DCUN1D4: variants seen among roughly 807,000 people sequenced by gnomAD.
DCUN1D4 encodes defective in cullin neddylation 1 domain containing 4.
A neutral mutation model predicts 47.9 loss-of-function variants in DCUN1D4; 22 were observed. The observed-to-expected ratio is 0.46, with a 90% CI of 0.33 to 0.66. The LOEUF is 0.66. DCUN1D4 is among the 30% of genes least tolerant of loss of function. DCUN1D4 has a pLI of 0.02. For synonymous variants in DCUN1D4, 121 were observed against 112.2 expected (o/e 1.08, Z -0.50); for missense variants, 301 against 340.8 (o/e 0.88, Z 0.92).
At chr4:51,869,123 C>CAAAAAAAAAA (rs531280197) in intron 3 of DCUN1D4, among the ~76,000 whole-genome samples, 1 of 38,576 alleles carries the variant, frequency 2.6e-5, no homozygotes, top group Admixed American at 3.2e-4. Flanking sequence ...GACTCCATCT[C>CAAAAAAAAAA]AAAAAAAAAA....
intron 1 of DCUN1D4, among the ~76,000 whole-genome samples, chr4:51,848,009 A>T (rs1031864569): frequency 6.6e-6 from 1 of 152,186 alleles, no homozygotes; most frequent in Non-Finnish European, 1.5e-5. Flanking sequence ...CCAAATATGT[A>T]TTGAATTGAA....
chr4:51,861,242 G>T (rs964623054), intron 1 of DCUN1D4, among the ~76,000 whole-genome samples: 8 of 152,122 alleles, frequency 5.3e-5, no homozygotes, highest in Non-Finnish European at 8.8e-5. Flanking sequence ...TTTTTGACAG[G>T]AATAGAGTGG....
intron 1 of DCUN1D4, among the ~76,000 whole-genome samples, chr4:51,859,907 C>T (rs556363031): frequency 8.3e-4 from 126 of 152,160 alleles, no homozygotes; most frequent in Non-Finnish European, 1.6e-3. Flanking sequence ...AATTGAAATA[C>T]GAGCAGAAGG....
At chr4:51,883,193 A>T (rs1489283136) in intron 5 of DCUN1D4, among the ~76,000 whole-genome samples, 4 of 152,226 alleles carry the variant, frequency 2.6e-5, no homozygotes, top group Admixed American at 6.5e-5. Context: ...CAAGGTGTAG[A>T]ATTACAAGTA....
rs1231538714 is a variant in DCUN1D4 at position 51,913,605 on chromosome 4, G to A, written c.*21G>A. 4 of 1,607,598 alleles carry A rather than the reference G, an allele frequency of 2.5e-6. No homozygotes were observed. The highest frequency in any genetic ancestry group is 1.3e-5 in the African/African-American group (1 of 74,770). On this transcript the variant is annotated 3_prime_UTR_variant, in exon 11 of 11. Coordinates refer to ENST00000334635, the MANE Select transcript of DCUN1D4 (RefSeq NM_001040402.3). ...CCTAGGACTTTATGCATAGCAGCGA[G>A]AGAGTCACTGTTACCACAGTTTTGT...
At chr4:51,837,105 C>T in the DCUN1D4 span, among the ~76,000 whole-genome samples, 4 of 152,122 alleles carry the variant, frequency 2.6e-5, no homozygotes, top group Non-Finnish European at 5.9e-5. Context: ...AAAATTGCAC[C>T]TTCTGAGATC....
intron 5 of DCUN1D4, chr4:51,885,076 GGCACTA>G (rs2110034326): frequency 6.6e-6 from 1 of 152,266 alleles, no homozygotes; most frequent in African/African-American, 2.4e-5. Flanking sequence ...AGGGAAGAAA[GGCACTA>G]GATCATAGAG....
intron 1 of DCUN1D4, chr4:51,843,773 C>A: frequency 1.0e-6 from 1 of 1,004,634 alleles, no homozygotes; most frequent in Non-Finnish European, 1.2e-6. Flanking sequence ...GGGGCGGGGA[C>A]AATGGGAAGA....
intron 7 of DCUN1D4, among the ~76,000 whole-genome samples, chr4:51,893,119 G>C (rs1015054868): frequency 6.6e-6 from 1 of 152,222 alleles, no homozygotes; most frequent in Non-Finnish European, 1.5e-5. Flanking sequence ...GCATAGAGGG[G>C]ATCGGTGATG....
intron 6 of DCUN1D4, among the ~76,000 whole-genome samples, chr4:51,888,948 A>T (rs1577987975): frequency 6.6e-6 from 1 of 152,102 alleles, no homozygotes; most frequent in Admixed American, 6.6e-5. Context: ...CATCTTTAAT[A>T]AAATACCAAA....
At chr4:51,843,000 A>C (rs73138670), upstream of DCUN1D4, 376 of 1,268,220 alleles carry the variant, frequency 3.0e-4, 2 homozygotes, top group African/African-American at 5.5e-3. Flanking sequence ...CGTATTGGCC[A>C]GTGGGGGGCG....
intron 3 of DCUN1D4, among the ~76,000 whole-genome samples, chr4:51,868,408 C>T (rs1236614040): frequency 6.6e-6 from 1 of 152,222 alleles, no homozygotes; most frequent in African/African-American, 2.4e-5. Flanking sequence ...GTATGACATG[C>T]TGGTTTATTG....
At chr4:51,834,091 C>CTTTTT in the DCUN1D4 span, among the ~76,000 whole-genome samples, 2 of 49,538 alleles carry the variant, frequency 4.0e-5, no homozygotes, top group African/African-American at 2.9e-4. Flanking sequence ...TCTCTCTTTT[C>CTTTTT]TTTTCTTCTT....
intron 1 of DCUN1D4, chr4:51,843,804 T>TGGGGGGGGGGC (rs1722012373): frequency 4.7e-5 from 1 of 21,226 alleles, no homozygotes; most frequent in East Asian, 1.7e-3. Flanking sequence ...GGCGGGGGGG[T>TGGGGGGGGGGC]GGGGGGGGGG....
rs1734038724 is a variant in DCUN1D4, at chr4:51,913,747, G to C, written c.*163G>C. 1 of 610,830 alleles carries C rather than the reference G, an allele frequency of 1.6e-6. No homozygotes were observed. Among genetic ancestry groups the C allele is most frequent in the Admixed American group, 2.9e-5 (1 of 33,960 alleles). The allele number at this position is 610,830 out of a possible 1,614,324, so 37.8% of individuals were successfully genotyped here. On this transcript the variant is annotated 3_prime_UTR_variant, in exon 11 of 11. Transcript: ENST00000334635. ...ATTGAATTGGCCAGCTCTGCTTGCT[G>C]TGTGGCATTGTTCTCTTGGAAGGCT...
intron 5 of DCUN1D4, among the ~76,000 whole-genome samples, chr4:51,880,850 G>A (rs954707385): frequency 6.6e-6 from 1 of 152,116 alleles, no homozygotes; most frequent in African/African-American, 2.4e-5. Context: ...AGACAACCAG[G>A]CTGGGCATGG....
chr4:51,882,592 C>T (rs543300475), intron 5 of DCUN1D4, among the ~76,000 whole-genome samples: 21 of 152,116 alleles, frequency 1.4e-4, no homozygotes, highest in South Asian at 4.2e-4. Context: ...AGGTGAAACC[C>T]CATCTGTACT....
At chr4:51,845,183 C>T (rs1258093360) in intron 1 of DCUN1D4, 8 of 985,336 alleles carry the variant, frequency 8.1e-6, no homozygotes, top group South Asian at 4.7e-5. Flanking sequence ...ATTTTGGCAT[C>T]CAGTGTGTGT....
upstream of DCUN1D4, among the ~76,000 whole-genome samples, chr4:51,838,536 C>A (rs904281435): frequency 6.6e-6 from 1 of 152,064 alleles, no homozygotes; most frequent in Non-Finnish European, 1.5e-5. Flanking sequence ...CAGCTGCCAC[C>A]ACACCCAGAT....
Sources: gnomAD v4.1 joint callset for allele counts (sites outside exome capture counted in the v4.1 genomes callset) on GRCh38, gnomAD v4.1.1 for gene constraint, MANE v1.5 for transcripts, NCBI Gene and HGNC (gene_info 2026-07-23, HGNC 2026-07-21) for gene names.